Variants in SHMT2 observed in about 807,000 individuals in gnomAD.
SHMT2 encodes the protein serine hydroxymethyltransferase 2, also known as serine hydroxymethyltransferase, mitochondrial.
In SHMT2, 38 loss-of-function variants were observed where a neutral mutation model predicts 59.6. That is an observed-to-expected ratio of 0.64 (90% CI 0.49 to 0.84). SHMT2 has a LOEUF of 0.84. Ranked by LOEUF, SHMT2 falls within the 40% of genes least tolerant of loss-of-function variation. The probability of loss-of-function intolerance (pLI) is 0.00; values close to 1 mark genes in which losing one functional copy is unlikely to be tolerated. For missense variants in SHMT2, 533 were observed against 659.5 expected, an observed-to-expected ratio of 0.81 and a Z score of 2.10; for synonymous variants, 254 against 258.1, an observed-to-expected ratio of 0.98 and a Z score of 0.15.
Position 57,234,501 on chromosome 12 carries a change from C to T in SHMT2, c.*140C>T, listed in dbSNP as rs1477491373. On this transcript the variant is annotated 3_prime_UTR_variant, in exon 12 of 12. Coordinates refer to ENST00000328923, the MANE Select transcript of SHMT2 (RefSeq NM_005412.6). ...AGGGCAAGAGCCAGGTATAGTCTCCCTTCCCAGAATTTGTAACTGAGAAGA... is the reference window on the plus strand; with the variant it reads ...AGGGCAAGAGCCAGGTATAGTCTCCTTTCCCAGAATTTGTAACTGAGAAGA... 1 of 869,300 alleles carries T rather than the reference C, an allele frequency of 1.2e-6. No individual in the cohort carries two copies. The highest frequency in any genetic ancestry group is 1.6e-6 in the Non-Finnish European group (1 of 610,510). The allele number at this position is 869,300 out of a possible 1,614,324, so 53.8% of individuals were successfully genotyped here. A position where few individuals can be genotyped will look rare whatever the true frequency, so the allele number is the denominator to read the frequency against.
At chr12:57,233,014 G>A in intron 7 of SHMT2, 166 bp from the exon 8 acceptor site, 3 of 1,241,448 alleles carry the variant, frequency 2.4e-6, no homozygotes, top group African/African-American at 1.5e-5. Context: ...CCTGGCAGGG[G>A]ATTTGTGGAT....
At chr12:57,231,953 A>C in intron 4 of SHMT2, 40 bp downstream of exon 4, 2 of 1,567,710 alleles carry the variant, frequency 1.3e-6, no homozygotes, top group Non-Finnish European at 1.7e-6. Context: ...TGGCGGCAGG[A>C]TTGGTGTGGG....
intron 1 of SHMT2, 80 bp from the exon 2 acceptor site, chr12:57,230,723 C>T: frequency 1.3e-6 from 2 of 1,545,800 alleles, no homozygotes; most frequent in East Asian, 4.7e-5. Flanking sequence ...TTGGTGTGGC[C>T]TTAGAAGCAT....
In SHMT2 at chr12:57,233,610, T is replaced by C; in HGVS notation, c.1071T>C (p.Asn357=). 1 of 1,614,130 alleles carries C rather than the reference T, an allele frequency of 6.2e-7. No homozygotes were observed. The highest frequency in any genetic ancestry group is 1.3e-5 in the African/African-American group (1 of 75,060). ...AGTACTCCCTGCAGGTTCTGAAGAA[T>C]GCTCGGGCCATGGCAGATGCCCTGC... ...FREYSLQVLK[N]ARAMADALLE... Residue 357 remains asparagine, a synonymous_variant, in exon 9 of 12, where the codon AAT becomes AAC. Transcript: ENST00000328923.
chr12:57,229,839 A>C lies in SHMT2; in HGVS notation c.33+28A>C, dbSNP rs770853967. On this transcript the variant is annotated intron_variant, in intron 1 of 11. Transcript: ENST00000328923. ...AAGAATGGGGCTCCAAACGCTGGGT[A>C]ATCAGTGGAAAGGAAGCTCTTCTCC... 3.1e-6 allele frequency: 5 copies of C among 1,613,706 alleles called. No individual in the cohort carries two copies. The Admixed American group carries it at 5.0e-5, about 16-fold the overall frequency.
intron 10 of SHMT2, 36 bp downstream of exon 10, chr12:57,233,940 A>G (rs375547996): frequency 1.2e-4 from 187 of 1,614,006 alleles, no homozygotes; most frequent in Non-Finnish European, 1.4e-4. Flanking sequence ...AGGGGCTCCC[A>G]TGCTGGATGA....
At chr12:57,232,875 C>T in intron 7 of SHMT2, 32 bp downstream of exon 7, 1 of 1,592,836 alleles carries the variant, frequency 6.3e-7, no homozygotes, top group Non-Finnish European at 8.6e-7. Context: ...CCTTGCCTTT[C>T]CCTGCCTTCA....
At position 57,231,785 on chromosome 12, in the gene SHMT2, C is replaced by T; in HGVS notation, c.384C>T (p.Asp128=). 6.2e-7 allele frequency: 1 copy of T among 1,614,076 alleles called. No homozygotes were observed. The highest frequency in any genetic ancestry group is 8.5e-7 in the Non-Finnish European group (1 of 1,179,992). The change falls in exon 4 of 12, where the codon GAC becomes GAT. Residue 128 remains aspartate (D), a synonymous_variant. Transcript: ENST00000328923. ...LCQRRALEAF[D]LDPAQWGVNV... ...AGCGCCGGGCCTTGGAAGCCTTTGA[C>T]CTGGATCCTGCACAGTGGGGAGTCA...
At chr12:57,232,425 G>A (rs2037360950) in intron 5 of SHMT2, 28 bp from the exon 6 acceptor site, 1 of 1,614,154 alleles carries the variant, frequency 6.2e-7, no homozygotes, top group Non-Finnish European at 8.5e-7. Flanking sequence ...TCCTTCTCAG[G>A]GCTTTAGCTG....
chr12:57,229,923 T>C, intron 1 of SHMT2, 112 bp downstream of exon 1: 1 of 1,528,976 alleles, frequency 6.5e-7, no homozygotes. Context: ...GCACGTGGAT[T>C]GGGGCCTCAG....
chr12:57,232,613 G>T (rs745839664), intron 6 of SHMT2, 38 bp downstream of exon 6: 19 of 1,613,332 alleles, frequency 1.2e-5, no homozygotes, highest in South Asian at 6.6e-5. Flanking sequence ...ACCTCCCCAG[G>T]GGGTGGTGAG....
At chr12:57,231,063 C>G in intron 2 of SHMT2, 63 bp downstream of exon 2, 1 of 1,495,602 alleles carries the variant, frequency 6.7e-7, no homozygotes, top group Non-Finnish European at 9.3e-7. Context: ...ACAAAGTTAT[C>G]TTAACTGATA....
rs1436752833 is a variant in SHMT2 at position 57,233,285 on chromosome 12, A to G, written c.963A>G (p.Pro321=). 6.2e-7 allele frequency: 1 copy of G among 1,608,064 alleles called. No homozygotes were observed. The highest frequency in any genetic ancestry group is 1.3e-5 in the African/African-American group (1 of 74,788). The change falls in exon 8 of 12, where the codon CCA becomes CCG. Residue 321 remains proline, a synonymous_variant. Coordinates refer to ENST00000328923, the MANE Select transcript of SHMT2 (RefSeq NM_005412.6). ...ACCGAATCAACTTTGCCGTGTTCCC[A>G]TCCCTGCAGGGGGGCCCCCACAATC... ...FEDRINFAVF[P]SLQGGPHNHA... is the part of the protein sequence containing the mutation.
chr12:57,229,930 T>C, intron 1 of SHMT2, 119 bp downstream of exon 1: 2 of 1,511,376 alleles, frequency 1.3e-6, no homozygotes, highest in Non-Finnish European at 8.9e-7. Flanking sequence ...GATTGGGGCC[T>C]CAGGGAGCGG....
chr12:57,232,085 G>A (rs761317062), intron 4 of SHMT2, 126 bp from the exon 5 acceptor site: 10 of 1,132,796 alleles, frequency 8.8e-6, no homozygotes, highest in African/African-American at 1.5e-5. Context: ...CCACAGAGTG[G>A]ACAGAGCAGT....
In SHMT2 at chr12:57,234,117, G is replaced by A. The variant is rs933068657; in HGVS notation, c.1387+7G>A. 4 of 1,613,906 alleles carry A rather than the reference G, an allele frequency of 2.5e-6. No homozygotes were observed. Among genetic ancestry groups the A allele is most frequent in the Non-Finnish European group, 3.4e-6 (4 of 1,179,930 alleles). On this transcript the variant is annotated splice_region_variant and intron_variant, in intron 11 of 11. Transcript: ENST00000328923. ...GAGGTGAAGAGCAAGACTGGTGAGT[G>A]AGCAAGAAGGAGCCCCGGGCCAGCC...
In SHMT2 at chr12:57,232,847, A is replaced by G; in HGVS notation, c.857+4A>G. On this transcript the variant is annotated splice_donor_region_variant and intron_variant, in intron 7 of 11. Coordinates refer to ENST00000328923, the MANE Select transcript of SHMT2 (RefSeq NM_005412.6). The stretch of plus-strand genomic sequence containing the variant: ...ACAAGACTCTTCGAGGGGCCAGGTC[A>G]GGCTCCCTGAGGTCGGGCCTTGCCT... 6.2e-7 allele frequency: 1 copy of G among 1,602,500 alleles called. No homozygotes were observed.
Position 57,230,804 on chromosome 12 carries a change from C to T in SHMT2, c.35C>T (p.Pro12Leu). Reference sequence around the variant, plus strand: ...CACCCTGACTTTTCCTGCCTTCAGCCTCTGCAGAGATGTGGGCAGCTGGTC... The same window carrying T: ...CACCCTGACTTTTCCTGCCTTCAGCTTCTGCAGAGATGTGGGCAGCTGGTC... Reference protein sequence around the residue: ...LYFSLFWAARPLQRCGQLVRM... With the variant: ...LYFSLFWAARLLQRCGQLVRM... Residue 12 changes from proline (P) to leucine (L), a missense_variant and splice_region_variant, in exon 2 of 12, where the codon CCT becomes CTT. Pro to Leu is a moderately conservative substitution (Grantham distance 98). Coordinates refer to ENST00000328923, the MANE Select transcript of SHMT2 (RefSeq NM_005412.6). The T allele has an allele frequency of 1.9e-6, 3 of 1,614,020 alleles. No homozygotes were observed. The highest frequency in any genetic ancestry group is 1.7e-4 in the Middle Eastern group (1 of 6,042).
In SHMT2 at chr12:57,231,555, C is replaced by G; in HGVS notation, c.306C>G (p.Gly102=). 6.2e-7 allele frequency: 1 copy of G among 1,614,186 alleles called. No homozygotes were observed. Residue 102 remains glycine (G), a synonymous_variant, in exon 3 of 12, where the codon GGC becomes GGG. Coordinates refer to ENST00000328923, the MANE Select transcript of SHMT2 (RefSeq NM_005412.6). ...LNNKYSEGYP[G]KRYYGGAEVV... is the part of the protein sequence containing the mutation. The stretch of plus-strand genomic sequence containing the variant: ...ACAAGTACTCGGAGGGTTATCCTGG[C>G]AAGAGGTGAGGGCTGGAGGGCAGTG...
Sources: allele counts gnomAD v4.1 joint callset, GRCh38; gene constraint gnomAD v4.1.1; transcripts MANE v1.5; gene names NCBI Gene and HGNC (gene_info 2026-07-23, HGNC 2026-07-21).